PIGN: variants seen among roughly 807,000 people sequenced by gnomAD.
PIGN encodes phosphatidylinositol glycan anchor biosynthesis class N.
PIGN carries 117 observed loss-of-function variants against 125.4 expected under a neutral mutation model. The observed-to-expected ratio is 0.93, with a 90% CI of 0.80 to 1.09. PIGN has a LOEUF of 1.09. PIGN is among the 50% of genes least tolerant of loss of function. The probability of loss-of-function intolerance (pLI) is 0.00; values close to 1 mark genes in which losing one functional copy is unlikely to be tolerated. For missense variants in PIGN, 1,075 were observed against 1,094.9 expected (o/e 0.98, Z 0.26); for synonymous variants, 392 against 377.8 (o/e 1.04, Z -0.44).
At chr18:62,084,701 A>G (rs2033609540) in intron 26 of PIGN, 95 bp from the exon 27 acceptor site, 2 of 827,168 alleles carry the variant, frequency 2.4e-6, no homozygotes, top group Non-Finnish European at 4.0e-6. Flanking sequence ...ATTCTCTGAA[A>G]TCTACTTACT....
intron 1 of PIGN, among the ~76,000 whole-genome samples, chr18:62,164,644 T>A (rs1008994615): frequency 1.7e-4 from 26 of 152,162 alleles, no homozygotes; most frequent in Admixed American, 6.5e-5. Flanking sequence ...CACATGGGGA[T>A]TACAATTCGA....
At chr18:62,037,164 C>T (rs1001198119), downstream of PIGN, among the ~76,000 whole-genome samples, 8 of 152,184 alleles carry the variant, frequency 5.3e-5, no homozygotes, top group African/African-American at 7.2e-5. Flanking sequence ...CAAGTGTTAT[C>T]GTCTGTGTGG....
intron 23 of PIGN, among the ~76,000 whole-genome samples, chr18:62,025,086 A>G: frequency 6.6e-6 from 1 of 152,252 alleles, no homozygotes; most frequent in Non-Finnish European, 1.5e-5. Context: ...CAAGATTTCT[A>G]GGCAAAAATG....
rs1287311134 is a variant in PIGN, at chr18:62,120,761, CTTAA to C, written c.1173-6126_1173-6123del. Among the ~76,000 whole-genome samples the C allele has an allele frequency of 4.0e-5, 6 of 151,664 alleles. No homozygotes were observed. The South Asian group carries it at 1.0e-3, about 26-fold the overall frequency. The stretch of plus-strand genomic sequence containing the variant: ...TGGAAAATTAAAATAATTTAAAATA[CTTAA>C]TTAATCCTACAAAAAAACAAAATAA... On this transcript the variant is annotated intron_variant, in intron 14 of 30. Coordinates refer to ENST00000640252, the MANE Select transcript of PIGN (RefSeq NM_176787.5).
intron 21 of PIGN, among the ~76,000 whole-genome samples, chr18:62,102,088 G>A (rs533883688): frequency 5.9e-5 from 9 of 151,662 alleles, no homozygotes; most frequent in Non-Finnish European, 7.4e-5. Context: ...TTAGCCAGGC[G>A]TAGTGGCTCT....
intron 14 of PIGN, among the ~76,000 whole-genome samples, chr18:62,125,551 C>A (rs996643678): frequency 4.6e-5 from 7 of 151,962 alleles, no homozygotes; most frequent in African/African-American, 1.7e-4. Flanking sequence ...CACGATGGAA[C>A]TGCTTGGTTA....
chr18:62,022,696 C>A (rs1000909200), intron 23 of PIGN, among the ~76,000 whole-genome samples: 5 of 152,122 alleles, frequency 3.3e-5, no homozygotes, highest in African/African-American at 1.2e-4. Context: ...AATAATGAAA[C>A]TAGTATTTAT....
chr18:62,043,909 T>C lies in PIGN; in HGVS notation c.*1947A>G, dbSNP rs926900327. The C allele has an allele frequency of 1.3e-5, 2 of 152,218 alleles. No individual in the cohort carries two copies. Among genetic ancestry groups the C allele is most frequent in the African/African-American group, 4.8e-5 (2 of 41,460 alleles). The allele number at this position is 152,218 out of a possible 1,614,324, so 9.4% of individuals were successfully genotyped here. A position where few individuals can be genotyped will look rare whatever the true frequency, so the allele number is the denominator to read the frequency against. Reference sequence around the variant, plus strand: ...AGAATGAAAAAATAAATACCTTAAATAGAAATACTTTTTCCCTAACTCGTT... The same window carrying C: ...AGAATGAAAAAATAAATACCTTAAACAGAAATACTTTTTCCCTAACTCGTT... On this transcript the variant is annotated 3_prime_UTR_variant, in exon 31 of 31. Transcript: ENST00000640252.
chr18:62,153,830 G>C (rs2036623337), intron 7 of PIGN: 1 of 152,040 alleles, frequency 6.6e-6, no homozygotes, highest in Admixed American at 6.6e-5. Context: ...AGTCCACAAA[G>C]TCAGTTCAAA....
In PIGN at chr18:62,025,448, A is replaced by G. The variant is rs190715279; in HGVS notation, c.2143-7707T>C. Among the ~76,000 whole-genome samples the G allele has an allele frequency of 1.2e-3, 180 of 152,336 alleles. 1 individual carries two copies. Among genetic ancestry groups the G allele is most frequent in the African/African-American group, 4.1e-3 (172 of 41,578 alleles). On this transcript the variant is annotated intron_variant, in intron 23 of 24. Coordinates refer to the PIGN transcript ENST00000639600. The stretch of plus-strand genomic sequence containing the variant: ...GTAAAGACCAGAAGTGAGAGAGGAT[A>G]CAACTGCATGTGGTTGGATAAGCTT...
intron 14 of PIGN, among the ~76,000 whole-genome samples, chr18:62,128,884 G>A (rs2035630279): frequency 6.6e-6 from 1 of 151,872 alleles, no homozygotes; most frequent in South Asian, 2.1e-4. Context: ...CTTCTATTTG[G>A]CTTCAAAATA....
At chr18:62,152,393 T>C (rs2147398032) in intron 7 of PIGN, among the ~76,000 whole-genome samples, 1 of 152,192 alleles carries the variant, frequency 6.6e-6, no homozygotes, top group South Asian at 2.1e-4. Flanking sequence ...AGAGGTATAA[T>C]GAGGCATGTC....
At position 62,045,902 on chromosome 18, in the gene PIGN, G is replaced by A. The variant is rs61755364; in HGVS notation, c.2750C>T (p.Thr917Met). 307 of 1,613,778 alleles carry A rather than the reference G, an allele frequency of 1.9e-4. No individual in the cohort carries two copies. Among genetic ancestry groups the A allele is most frequent in the Non-Finnish European group, 2.4e-4 (279 of 1,179,796 alleles). The stretch of plus-strand genomic sequence containing the variant: ...TTTGCCACATAGTCTGAGTTTCTTC[G>A]TTGTGAGCAGCTGGGCCAGGCCATT... ...FLNGLAQLLTTKKLRLCGKPK... is the reference protein window; with the variant it reads ...FLNGLAQLLTMKKLRLCGKPK... The change falls in exon 31 of 31, where the codon ACG becomes ATG. Residue 917 changes from threonine to methionine, a missense_variant. Thr to Met is a moderately conservative substitution (Grantham distance 81, BLOSUM62 -1). Coordinates refer to ENST00000640252, the MANE Select transcript of PIGN (RefSeq NM_176787.5).
chr18:62,029,396 C>A (rs949508202), intron 23 of PIGN, among the ~76,000 whole-genome samples: 3 of 152,148 alleles, frequency 2.0e-5, no homozygotes, highest in African/African-American at 7.2e-5. Context: ...CCTAATCCAA[C>A]CTCACAGCTG....
rs557354845 is a variant in PIGN at position 62,135,669 on chromosome 18, G to A, written c.1172+2574C>T. On this transcript the variant is annotated intron_variant, in intron 14 of 30. Transcript: ENST00000640252. The stretch of plus-strand genomic sequence containing the variant: ...GACAGGGTCTCACTCTGTTGCTCAG[G>A]CTGGAGTGCAGTGGTGGGATCTTGG... The A allele has an allele frequency of 3.8e-5, 5 of 130,560 alleles. No homozygotes were observed. The Admixed American group carries it at 4.4e-4, about 12-fold the overall frequency. The allele number at this position is 130,560 out of a possible 1,614,324, so 8.1% of individuals were successfully genotyped here.
At chr18:62,028,774 C>A (rs972167946) in intron 23 of PIGN, among the ~76,000 whole-genome samples, 2 of 152,212 alleles carry the variant, frequency 1.3e-5, no homozygotes, top group African/African-American at 4.8e-5. Context: ...ATGGAGCTAA[C>A]AAGGATAAGG....
chr18:62,088,314 C>A (rs547792735), intron 25 of PIGN: 1 of 153,370 alleles, frequency 6.5e-6, no homozygotes, highest in Non-Finnish European at 1.4e-5. Context: ...AACATTGCCT[C>A]TGATGTGATC....
At position 62,154,575 on chromosome 18, in the gene PIGN, T is replaced by G; in HGVS notation, c.519A>C (p.Lys173Asn). The G allele has an allele frequency of 6.3e-7, 1 of 1,581,566 alleles. No homozygotes were observed. The highest frequency in any genetic ancestry group is 8.7e-7 in the Non-Finnish European group (1 of 1,151,390). Reference sequence around the variant, plus strand: ...CATTATCAAAAACCCACGTATCCAGTTTTGTTGCATCTTGAGCACCAAAAT... The same window carrying G: ...CATTATCAAAAACCCACGTATCCAGGTTTGTTGCATCTTGAGCACCAAAAT... ...REDFGAQDAT[K>N]LDTWVFDNVK... Residue 173 changes from lysine (K) to asparagine (N), a missense_variant, in exon 7 of 31, where the codon AAA becomes AAC. Lys to Asn is a moderately conservative substitution (Grantham distance 94, BLOSUM62 0). Around this residue, in one of 3 missense-constraint regions of PIGN, gnomAD observed 915 missense variants for 908.7 expected, o/e 1.01. Coordinates refer to ENST00000640252, the MANE Select transcript of PIGN (RefSeq NM_176787.5).
At chr18:62,093,604 G>A (rs2034058551) in intron 23 of PIGN, among the ~76,000 whole-genome samples, 1 of 152,048 alleles carries the variant, frequency 6.6e-6, no homozygotes, top group South Asian at 2.1e-4. Flanking sequence ...CTATTTTCAA[G>A]TATTACAATA....
Sources: gnomAD v4.1 joint callset for allele counts (sites outside exome capture counted in the v4.1 genomes callset) on GRCh38, gnomAD v4.1.1 for gene constraint, gnomAD v4.1.1 regional missense constraint, MANE v1.5 for transcripts, NCBI Gene and HGNC (gene_info 2026-07-23, HGNC 2026-07-21) for gene names.